CORO2A: variants seen among roughly 807,000 people sequenced by gnomAD.
The protein encoded by CORO2A is coronin 2A, also known as coronin-2A.
CORO2A carries 47 observed loss-of-function variants against 62.4 expected under a neutral mutation model. The observed-to-expected ratio is 0.75, with a 90% CI of 0.60 to 0.96. The LOEUF (loss-of-function observed/expected upper bound fraction) is 0.96. CORO2A is among the 40% of genes least tolerant of loss of function. CORO2A has a pLI of 0.00. For missense variants in CORO2A, 610 were observed against 684.1 expected (o/e 0.89, Z 1.21); for synonymous variants, 273 against 268.9 (o/e 1.02, Z -0.15).
rs1371813447 is a variant in CORO2A, at chr9:98,121,524, A to T, written c.*3250T>A. 6.6e-6 allele frequency: 1 copy of T among 152,244 alleles called. No homozygotes were observed. Among genetic ancestry groups the T allele is most frequent in the African/African-American group, 2.4e-5 (1 of 41,468 alleles). 9.4% of individuals were successfully genotyped at this position (152,244 alleles called of 1,614,324 possible). A position where few individuals can be genotyped will look rare whatever the true frequency, so the allele number is the denominator to read the frequency against. On this transcript the variant is annotated 3_prime_UTR_variant, in exon 12 of 12. Transcript: ENST00000375077. ...AATTTATTCTAGATGTAAAAATAAT[A>T]ATACAAAAAAGTTTGTTCAAAGACA...
intron 1 of CORO2A, among the ~76,000 whole-genome samples, chr9:98,165,389 A>T (rs1827945659): frequency 6.6e-6 from 1 of 152,252 alleles, no homozygotes; most frequent in South Asian, 2.1e-4. Flanking sequence ...ATTTCAAAGC[A>T]GAATAATCCA....
At position 98,129,885 on chromosome 9, in the gene CORO2A, A is replaced by G. The variant is rs752326214; in HGVS notation, c.876T>C (p.Asp292=). 1.9e-6 allele frequency: 3 copies of G among 1,613,276 alleles called. No individual in the cohort carries two copies. Among genetic ancestry groups the G allele is most frequent in the Admixed American group, 1.7e-5 (1 of 60,006 alleles). The change falls in exon 8 of 12, where the codon GAT becomes GAC. Residue 292 remains aspartate, a synonymous_variant. Coordinates refer to ENST00000375077, the MANE Select transcript of CORO2A (RefSeq NM_052820.4). ...TSMLYVVGKG[D]GNIRYYEVSA... is the part of the protein sequence containing the mutation. ...TCACCTCGTAGTAGCGGATGTTGCC[A>G]TCTCCCTGAGGAGGAGGAGAAGGAA...
At chr9:98,136,788 A>G (rs913841158) in intron 3 of CORO2A, among the ~76,000 whole-genome samples, 1 of 152,242 alleles carries the variant, frequency 6.6e-6, no homozygotes, top group Non-Finnish European at 1.5e-5. Flanking sequence ...TTAGGAATAC[A>G]GTGGGCTCAC....
In CORO2A at chr9:98,130,983, T is replaced by G. The variant is rs1339033240; in HGVS notation, c.842A>C (p.Asp281Ala). 1.2e-6 allele frequency: 2 copies of G among 1,613,718 alleles called. No individual in the cohort carries two copies. Among genetic ancestry groups the G allele is most frequent in the Non-Finnish European group, 1.7e-6 (2 of 1,179,948 alleles). The change falls in exon 7 of 12, where the codon GAC (aspartate) becomes GCC (alanine). Residue 281 changes from aspartate (D) to alanine (A), a missense_variant. Coordinates refer to ENST00000375077, the MANE Select transcript of CORO2A (RefSeq NM_052820.4). ...SGVLFPFYDA[D>A]TSMLYVVGKG... The stretch of plus-strand genomic sequence containing the variant: ...CCCCACCACGTAGAGCATGCTGGTG[T>G]CCGCGTCATAGAAGGGAAACAGCAC...
chr9:98,143,898 A>C (rs1234303649), intron 2 of CORO2A, among the ~76,000 whole-genome samples: 1 of 152,206 alleles, frequency 6.6e-6, no homozygotes, highest in East Asian at 1.9e-4. Flanking sequence ...TCCCATGTCT[A>C]TAAGAAATAG....
intron 1 of CORO2A, among the ~76,000 whole-genome samples, chr9:98,189,747 G>A (rs1397873149): frequency 6.6e-6 from 1 of 152,142 alleles, no homozygotes; most frequent in Non-Finnish European, 1.5e-5. Flanking sequence ...CTTTCTTCTG[G>A]ATTAAACTGT....
intron 10 of CORO2A, 129 bp from the exon 11 acceptor site, chr9:98,126,952 A>T: frequency 9.7e-7 from 1 of 1,035,648 alleles, no homozygotes; most frequent in Non-Finnish European, 1.4e-6. Context: ...TGTGTGGGAA[A>T]TACAGCTACC....
intron 1 of CORO2A, among the ~76,000 whole-genome samples, chr9:98,162,835 A>G (rs1212201621): frequency 6.6e-6 from 1 of 152,196 alleles, no homozygotes; most frequent in Admixed American, 6.5e-5. Flanking sequence ...AGAGAACAGG[A>G]GTTCATTTTC....
chr9:98,136,259 C>T (rs1387419741), intron 3 of CORO2A, among the ~76,000 whole-genome samples: 1 of 152,220 alleles, frequency 6.6e-6, no homozygotes, highest in Non-Finnish European at 1.5e-5. Context: ...CCCTATACTC[C>T]CTGGGGACAG....
At chr9:98,185,734 T>C (rs1828231226) in intron 1 of CORO2A, among the ~76,000 whole-genome samples, 4 of 152,224 alleles carry the variant, frequency 2.6e-5, no homozygotes, top group Admixed American at 2.6e-4. Context: ...GTGCAAGAAC[T>C]TCCCTTGCAC....
chr9:98,132,907 C>T lies in CORO2A; in HGVS notation c.648+131G>A, dbSNP rs893917296. 3 of 1,025,270 alleles carry T rather than the reference C, an allele frequency of 2.9e-6. No individual in the cohort carries two copies. The East Asian group carries it at 7.5e-5, about 25-fold the overall frequency. 63.5% of individuals were successfully genotyped at this position (1,025,270 alleles called of 1,614,324 possible). On this transcript the variant is annotated intron_variant, in intron 5 of 11. Coordinates refer to ENST00000375077, the MANE Select transcript of CORO2A (RefSeq NM_052820.4). ...CTTCCAGCAATCCCGAGAGGACAGA[C>T]AGGGATGCTGCCTGTGAAGGCGCAG...
chr9:98,134,048 G>A (rs1304612479), intron 4 of CORO2A, among the ~76,000 whole-genome samples: 1 of 152,052 alleles, frequency 6.6e-6, no homozygotes, highest in Non-Finnish European at 1.5e-5. Flanking sequence ...CACCATGTCC[G>A]GCCCCCCACC....
At chr9:98,144,674 C>A (rs1827618387) in intron 2 of CORO2A, among the ~76,000 whole-genome samples, 1 of 152,052 alleles carries the variant, frequency 6.6e-6, no homozygotes, top group Non-Finnish European at 1.5e-5. Flanking sequence ...TTAAATTGGG[C>A]CTTAAAGAGA....
chr9:98,145,886 A>G (rs577567340), intron 2 of CORO2A, among the ~76,000 whole-genome samples: 1 of 152,158 alleles, frequency 6.6e-6, no homozygotes, highest in South Asian at 2.1e-4. Context: ...CTGATTTTTT[A>G]TTTTTGGTAG....
chr9:98,162,694 C>T (rs1039313858), intron 1 of CORO2A, among the ~76,000 whole-genome samples: 1 of 152,318 alleles, frequency 6.6e-6, no homozygotes, highest in South Asian at 2.1e-4. Context: ...AGTTCATGAG[C>T]GCCTGTGTCG....
chr9:98,173,953 C>T (rs1314634107), intron 1 of CORO2A, among the ~76,000 whole-genome samples: 1 of 151,990 alleles, frequency 6.6e-6, no homozygotes, highest in East Asian at 1.9e-4. Flanking sequence ...CCCGTCTTTA[C>T]TAAAAATACA....
chr9:98,136,565 C>T (rs1827489065), intron 3 of CORO2A, among the ~76,000 whole-genome samples: 1 of 152,228 alleles, frequency 6.6e-6, no homozygotes, highest in South Asian at 2.1e-4. Flanking sequence ...CCATCTGTGG[C>T]TGCTTCTCTT....
intron 1 of CORO2A, among the ~76,000 whole-genome samples, chr9:98,187,043 G>A (rs1330774596): frequency 6.6e-6 from 1 of 152,142 alleles, no homozygotes; most frequent in Non-Finnish European, 1.5e-5. Flanking sequence ...ACTTTGGGAG[G>A]CTGAGGGGGG....
intron 1 of CORO2A, among the ~76,000 whole-genome samples, chr9:98,158,110 T>A (rs1483543835): frequency 2.6e-5 from 4 of 152,166 alleles, no homozygotes; most frequent in Non-Finnish European, 5.9e-5. Flanking sequence ...TGACTTAACC[T>A]CTGGAGTCTC....
Sources: gnomAD v4.1 joint callset for allele counts (sites outside exome capture counted in the v4.1 genomes callset) on GRCh38, gnomAD v4.1.1 for gene constraint, MANE v1.5 for transcripts, NCBI Gene and HGNC (gene_info 2026-07-23, HGNC 2026-07-21) for gene names.